SLC37A2: variants seen among roughly 807,000 people sequenced by gnomAD.
SLC37A2 encodes solute carrier family 37 member 2, also known as glucose-6-phosphate exchanger SLC37A2.
Under a neutral mutation model 70.7 loss-of-function variants are expected in SLC37A2, and 59 were observed. That is an observed-to-expected ratio of 0.83 (90% CI 0.68 to 1.04). The LOEUF (loss-of-function observed/expected upper bound fraction) is 1.04. SLC37A2 is among the 50% of genes least tolerant of loss of function. The pLI, the probability that SLC37A2 is intolerant of heterozygous loss-of-function variation, is 0.00. For synonymous variants in SLC37A2, 257 were observed against 262.1 expected, an observed-to-expected ratio of 0.98 and a Z score of 0.19; for missense variants, 580 against 658.1, an observed-to-expected ratio of 0.88 and a Z score of 1.30.
intron 17 of SLC37A2, chr11:125,086,676 T>A (rs908415751): frequency 3.5e-6 from 1 of 284,144 alleles, no homozygotes; most frequent in African/African-American, 2.2e-5. Context: ...CATGGGTGGC[T>A]GGCCTGGTGT....
chr11:125,082,196 C>G, intron 9 of SLC37A2, 48 bp from the exon 10 acceptor site: 8 of 1,587,998 alleles, frequency 5.0e-6, no homozygotes, highest in Non-Finnish European at 6.9e-6. Flanking sequence ...ACCACTGAAC[C>G]CAGGACCTCT....
chr11:125,065,843 T>G (rs1440750116), intron 1 of SLC37A2, among the ~76,000 whole-genome samples: 2 of 151,828 alleles, frequency 1.3e-5, no homozygotes, highest in Admixed American at 6.6e-5. Flanking sequence ...TTCTGAGGAG[T>G]CAGGTAGGGA....
At chr11:125,074,274 C>T (rs1334669389) in intron 1 of SLC37A2, among the ~76,000 whole-genome samples, 1 of 151,962 alleles carries the variant, frequency 6.6e-6, no homozygotes, top group Non-Finnish European at 1.5e-5. Context: ...CTCGGAGTCT[C>T]TCCTCTGTGT....
intron 1 of SLC37A2, among the ~76,000 whole-genome samples, chr11:125,069,267 T>C (rs980855169): frequency 1.1e-4 from 16 of 152,218 alleles, no homozygotes; most frequent in Non-Finnish European, 2.1e-4. Context: ...ACACAGCTGA[T>C]AAATGACTGA....
chr11:125,064,992 A>G (rs1262989900), intron 1 of SLC37A2, among the ~76,000 whole-genome samples: 1 of 152,246 alleles, frequency 6.6e-6, no homozygotes, highest in East Asian at 1.9e-4. Context: ...TCTAAAGAAC[A>G]TATTCATTTA....
At position 125,080,583 on chromosome 11, in the gene SLC37A2, A is replaced by G. The variant is rs1215049660; in HGVS notation, c.528-31A>G. On this transcript the variant is annotated intron_variant, in intron 6 of 17. Transcript: ENST00000403796. The surrounding 1 kb of genome is among the most constrained non-coding windows in gnomAD (Gnocchi z 4.3). Reference sequence around the variant, plus strand: ...CAATGTGCTTTGCTTTTTACTTTTTATACCTCTTCCCTTCTCTCCCTCCCT... The same window carrying G: ...CAATGTGCTTTGCTTTTTACTTTTTGTACCTCTTCCCTTCTCTCCCTCCCT... 6.3e-6 allele frequency: 9 copies of G among 1,438,340 alleles called. No homozygotes were observed. Among genetic ancestry groups the G allele is most frequent in the African/African-American group, 1.5e-5 (1 of 68,370 alleles). 89.1% of individuals were successfully genotyped at this position (1,438,340 alleles called of 1,614,324 possible). A position where few individuals can be genotyped will look rare whatever the true frequency, so the allele number is the denominator to read the frequency against.
rs1949207139 is a variant in SLC37A2 at position 125,085,815 on chromosome 11, C to T, written c.1426-139C>T. The T allele has an allele frequency of 4.9e-6, 6 of 1,228,842 alleles. No individual in the cohort carries two copies. In the South Asian group the frequency reaches 6.4e-5, roughly 13 times the overall value. 76.1% of individuals were successfully genotyped at this position (1,228,842 alleles called of 1,614,324 possible). ...CCCTTTGCTCAGAAGCACTCTCCCT[C>T]CCCCGAGTGACCCCTTGCCAAGTGG... On this transcript the variant is annotated intron_variant, in intron 16 of 17. Coordinates refer to ENST00000403796, the MANE Select transcript of SLC37A2 (RefSeq NM_001145290.2).
Position 125,079,111 on chromosome 11 carries a change from G to T in SLC37A2, c.315-1G>T, listed in dbSNP as rs1949120250. 2 of 1,614,210 alleles carry T rather than the reference G, an allele frequency of 1.2e-6. No homozygotes were observed. Among genetic ancestry groups the T allele is most frequent in the East Asian group, 2.2e-5 (1 of 44,882 alleles). On this transcript the variant is annotated splice_acceptor_variant, in intron 4 of 17. Coordinates refer to ENST00000403796, the MANE Select transcript of SLC37A2 (RefSeq NM_001145290.2). LOFTEE classifies it high-confidence loss of function. ...CGCAGATCCAACTTTCTCTTCCCCA[G>T]TGGGGTTTTTGGGGAGCGGCTTCCG...
At position 125,083,865 on chromosome 11, in the gene SLC37A2, G is replaced by A. The variant is rs775255002; in HGVS notation, c.1027G>A (p.Gly343Ser). ...GGACCTGTCTACACTCTTCGATGTT[G>A]GTGGCATCATAGGTGAGGCCTTGCC... is the stretch of plus-strand genomic sequence containing the variant. ...AGDLSTLFDV[G>S]GIIGGIVAGL... Residue 343 changes from glycine (G) to serine (S), a missense_variant, in exon 11 of 18, where the codon GGT becomes AGT. Transcript: ENST00000403796. The surrounding 1 kb of genome is among the most constrained non-coding windows in gnomAD (Gnocchi z 4.6). 8 of 1,614,140 alleles carry A rather than the reference G, an allele frequency of 5.0e-6. No individual in the cohort carries two copies. In the South Asian group the frequency reaches 8.8e-5, roughly 18 times the overall value.
At position 125,079,308 on chromosome 11, in the gene SLC37A2, C is replaced by T. The variant is rs571246665; in HGVS notation, c.450+61C>T. On this transcript the variant is annotated intron_variant, in intron 5 of 17. Coordinates refer to ENST00000403796, the MANE Select transcript of SLC37A2 (RefSeq NM_001145290.2). ...CCGTCTCGGGAAGGACCTGGGAGACCGCAGCTCACAGCGGGTGGGAGCCTG... is the reference window on the plus strand; with the variant it reads ...CCGTCTCGGGAAGGACCTGGGAGACTGCAGCTCACAGCGGGTGGGAGCCTG... The T allele has an allele frequency of 9.8e-5, 158 of 1,605,212 alleles. No individual in the cohort carries two copies. The Admixed American group carries it at 2.3e-3, about 24-fold the overall frequency.
rs190377330 is a variant in SLC37A2, at chr11:125,076,194, G to A, written c.60-563G>A. Reference sequence around the variant, plus strand: ...CTCTGTCCAGTGGGATGGACGGACTGGGACTAAGAAGAGGGCTGGGGTCTG... The same window carrying A: ...CTCTGTCCAGTGGGATGGACGGACTAGGACTAAGAAGAGGGCTGGGGTCTG... On this transcript the variant is annotated intron_variant, in intron 1 of 17. Transcript: ENST00000403796. Among the ~76,000 whole-genome samples the A allele has an allele frequency of 1.9e-4, 29 of 152,250 alleles. No homozygotes were observed. The East Asian group carries it at 5.4e-3, about 28-fold the overall frequency.
intron 4 of SLC37A2, among the ~76,000 whole-genome samples, chr11:125,078,746 T>G (rs923615903): frequency 6.6e-6 from 1 of 152,092 alleles, no homozygotes; most frequent in Non-Finnish European, 1.5e-5. Context: ...GGCACCTGTC[T>G]GTGACTGTGA....
rs764156064 is a variant in SLC37A2, at chr11:125,082,254, A to G, written c.896A>G (p.Glu299Gly). Residue 299 changes from glutamate to glycine, a missense_variant, in exon 10 of 18, where the codon GAG becomes GGG. By Grantham distance (98) the Glu-to-Gly change is moderately conservative. Coordinates refer to ENST00000403796, the MANE Select transcript of SLC37A2 (RefSeq NM_001145290.2). The part of the protein sequence containing the change: ...FGALRIPGVV[E>G]FSLCLLFAKL... ...TGTTGCACTCCCCAGGGCGTGGTCG[A>G]GTTCTCTCTGTGTCTGCTGTTTGCC... 6.2e-7 allele frequency: 1 copy of G among 1,613,768 alleles called. No individual in the cohort carries two copies. Among genetic ancestry groups the G allele is most frequent in the Admixed American group, 1.7e-5 (1 of 60,006 alleles).
Position 125,076,762 on chromosome 11 carries a change from G to A in SLC37A2, c.65G>A (p.Arg22Gln), listed in dbSNP as rs374174542. 15 of 1,614,004 alleles carry A rather than the reference G, an allele frequency of 9.3e-6. 1 individual carries two copies. The highest frequency in any genetic ancestry group is 5.5e-5 in the South Asian group (5 of 91,082). ...FRAFSRDSWF[R>Q]GLILLLTFLI... ...GATGCTGTCCCTTCCTGCAGGTTCC[G>A]AGGCCTCATCCTGCTGCTGACCTTC... Residue 22 changes from arginine to glutamine, a missense_variant, in exon 2 of 18, where the codon CGA becomes CAA. Transcript: ENST00000403796.
chr11:125,079,338 CCT>C (rs1162929077), intron 5 of SLC37A2, 91 bp downstream of exon 5: 27 of 1,500,892 alleles, frequency 1.8e-5, no homozygotes, highest in Non-Finnish European at 2.5e-5. Flanking sequence ...AGCCTGTGTT[CCT>C]GGCTCCCTGT....
Position 125,081,407 on chromosome 11 carries a change from A to ATT in SLC37A2, c.695-6_695-5dup. On this transcript the variant is annotated splice_polypyrimidine_tract_variant and intron_variant, in intron 7 of 17. Coordinates refer to ENST00000403796, the MANE Select transcript of SLC37A2 (RefSeq NM_001145290.2). ...GGGTTGGGAAACTTCTTAGAAAGCGATTTTTTTTTCTAGACCCAGAAGATG... is the reference window on the plus strand; with the variant it reads ...GGGTTGGGAAACTTCTTAGAAAGCGATTTTTTTTTTTCTAGACCCAGAAGATG... 1.9e-6 allele frequency: 3 copies of ATT among 1,581,812 alleles called. No homozygotes were observed. The highest frequency in any genetic ancestry group is 1.4e-5 in the African/African-American group (1 of 73,680).
chr11:125,075,909 C>A (rs755436301), intron 1 of SLC37A2, among the ~76,000 whole-genome samples: 18 of 152,164 alleles, frequency 1.2e-4, no homozygotes, highest in Non-Finnish European at 2.5e-4. Context: ...CTCCTGGCCC[C>A]TTCTCCTGGA....
At chr11:125,072,910 G>A (rs977281542) in intron 1 of SLC37A2, among the ~76,000 whole-genome samples, 1 of 152,150 alleles carries the variant, frequency 6.6e-6, no homozygotes, top group African/African-American at 2.4e-5. Flanking sequence ...CCATCCCTCT[G>A]GAGGCCAGGA....
intron 12 of SLC37A2, 129 bp from the exon 13 acceptor site, chr11:125,084,696 C>T (rs1949185375): frequency 4.1e-6 from 4 of 965,066 alleles, no homozygotes; most frequent in African/African-American, 3.2e-5. Flanking sequence ...GAGAAATCTG[C>T]ATAGGCAGGG....
Sources: allele counts gnomAD v4.1 joint callset (sites outside exome capture counted in the v4.1 genomes callset), GRCh38; gene constraint gnomAD v4.1.1; non-coding constraint Gnocchi (gnomAD v3.1); transcripts MANE v1.5; gene names NCBI Gene and HGNC (gene_info 2026-07-23, HGNC 2026-07-21).